CCDC91: variants seen among roughly 807,000 people sequenced by gnomAD.
CCDC91 encodes the protein coiled-coil domain containing 91.
CCDC91 carries 48 observed loss-of-function variants against 63.2 expected under a neutral mutation model. That is an observed-to-expected ratio of 0.76 (90% CI 0.60 to 0.97). CCDC91 has a LOEUF of 0.97. Among genes scored for constraint, CCDC91 ranks in the 50% least tolerant of loss-of-function variants. The probability of loss-of-function intolerance (pLI) is 0.00; values close to 1 mark genes in which losing one functional copy is unlikely to be tolerated. For synonymous variants in CCDC91, 167 were observed against 165.8 expected (o/e 1.01, Z -0.06); for missense variants, 500 against 494.6 (o/e 1.01, Z -0.10).
At chr12:28,485,858 T>C (rs1237878118) in intron 12 of CCDC91, among the ~76,000 whole-genome samples, 1 of 152,180 alleles carries the variant, frequency 6.6e-6, no homozygotes, top group Non-Finnish European at 1.5e-5. Context: ...AAAGGAATTA[T>C]AGGTACATTT....
chr12:28,234,654 C>T (rs753844594), intron 1 of CCDC91, among the ~76,000 whole-genome samples: 1 of 152,032 alleles, frequency 6.6e-6, no homozygotes, highest in Non-Finnish European at 1.5e-5. Flanking sequence ...CTGTGAGAAT[C>T]AAAGGTAATG....
chr12:28,492,975 C>T (rs1319264459), intron 12 of CCDC91, among the ~76,000 whole-genome samples: 1 of 151,394 alleles, frequency 6.6e-6, no homozygotes, highest in African/African-American at 2.4e-5. Context: ...CACCTCAAAA[C>T]TAAATAAATA....
intron 1 of CCDC91, chr12:28,256,610 A>G (rs1592122321): frequency 6.6e-6 from 1 of 152,290 alleles, no homozygotes; most frequent in African/African-American, 2.4e-5. Flanking sequence ...ATCTCCCATG[A>G]ATACATGACT....
At chr12:28,209,352 T>C (rs560654859) in intron 1 of CCDC91, among the ~76,000 whole-genome samples, 1 of 152,266 alleles carries the variant, frequency 6.6e-6, no homozygotes, top group Non-Finnish European at 1.5e-5. Flanking sequence ...TTTCAATTTA[T>C]GGAAAAGCTG....
chr12:28,469,541 C>T (rs948951743), intron 11 of CCDC91, among the ~76,000 whole-genome samples: 3 of 151,944 alleles, frequency 2.0e-5, no homozygotes, highest in African/African-American at 7.2e-5. Flanking sequence ...AATATAATCT[C>T]TATCAAAGTA....
chr12:28,266,716 T>C (rs1947212290), intron 3 of CCDC91, among the ~76,000 whole-genome samples: 1 of 151,966 alleles, frequency 6.6e-6, no homozygotes, highest in Admixed American at 6.6e-5. Context: ...GTGTGCATTT[T>C]AGGATATTTT....
At chr12:28,393,325 G>A (rs566155398) in intron 8 of CCDC91, among the ~76,000 whole-genome samples, 1 of 151,504 alleles carries the variant, frequency 6.6e-6, no homozygotes, top group South Asian at 2.1e-4. Context: ...CTCTGTTAAG[G>A]CCGTATCCAC....
intron 3 of CCDC91, among the ~76,000 whole-genome samples, chr12:28,266,343 G>C (rs752990681): frequency 6.6e-6 from 1 of 151,914 alleles, no homozygotes; most frequent in Non-Finnish European, 1.5e-5. Context: ...ATCTCAATTA[G>C]CAAATCTATA....
intron 6 of CCDC91, among the ~76,000 whole-genome samples, chr12:28,334,248 T>A (rs1429074811): frequency 2.6e-5 from 4 of 152,088 alleles, no homozygotes; most frequent in Non-Finnish European, 5.9e-5. Flanking sequence ...ATATCTGGTG[T>A]GGGAGTTAGG....
At chr12:28,226,433 C>T (rs1362158152) in intron 1 of CCDC91, among the ~76,000 whole-genome samples, 1 of 152,142 alleles carries the variant, frequency 6.6e-6, no homozygotes, top group South Asian at 2.1e-4. Flanking sequence ...CTATATCTTT[C>T]TGTATTTCTG....
chr12:28,298,800 T>G (rs912541514), intron 3 of CCDC91, among the ~76,000 whole-genome samples: 6 of 150,482 alleles, frequency 4.0e-5, no homozygotes, highest in African/African-American at 1.5e-4. Context: ...ATATAAGAGC[T>G]TTGCTTGTTT....
chr12:28,440,717 A>G (rs1225768735), intron 8 of CCDC91, among the ~76,000 whole-genome samples: 3 of 152,176 alleles, frequency 2.0e-5, no homozygotes, highest in Admixed American at 1.3e-4. Context: ...TATATAAATC[A>G]GTAATAAAAA....
At chr12:28,357,625 G>A (rs1330861179) in intron 6 of CCDC91, among the ~76,000 whole-genome samples, 1 of 152,048 alleles carries the variant, frequency 6.6e-6, no homozygotes, top group African/African-American at 2.4e-5. Flanking sequence ...ATAAGCATTA[G>A]GGTGGCTATC....
chr12:28,229,650 G>A (rs1944470917), intron 1 of CCDC91, among the ~76,000 whole-genome samples: 1 of 152,138 alleles, frequency 6.6e-6, no homozygotes, highest in African/African-American at 2.4e-5. Context: ...TAGAAAAGGA[G>A]AGTTTTGTGA....
intron 6 of CCDC91, among the ~76,000 whole-genome samples, chr12:28,350,339 A>G (rs1943098974): frequency 6.6e-6 from 1 of 152,176 alleles, no homozygotes; most frequent in Non-Finnish European, 1.5e-5. Flanking sequence ...TGTTTAGGAG[A>G]GGTAATTTAG....
chr12:28,367,996 C>T (rs1318964895), intron 7 of CCDC91, among the ~76,000 whole-genome samples: 1 of 152,152 alleles, frequency 6.6e-6, no homozygotes, highest in Non-Finnish European at 1.5e-5. Context: ...AGCCTGTCAG[C>T]CTTGTTTGCA....
chr12:28,328,604 T>C (rs1308659977), intron 6 of CCDC91, among the ~76,000 whole-genome samples: 1 of 152,164 alleles, frequency 6.6e-6, no homozygotes, highest in Admixed American at 6.6e-5. Flanking sequence ...CCTTAAAATT[T>C]GGGTGAAGTG....
At chr12:28,500,117 A>G (rs1000739585) in intron 12 of CCDC91, among the ~76,000 whole-genome samples, 2 of 150,672 alleles carry the variant, frequency 1.3e-5, no homozygotes, top group Non-Finnish European at 3.0e-5. Flanking sequence ...TTTTTTCCAT[A>G]TATTTGTTGA....
intron 8 of CCDC91, among the ~76,000 whole-genome samples, chr12:28,437,893 AT>A (rs2140166231): frequency 6.6e-6 from 1 of 152,164 alleles, no homozygotes; most frequent in Admixed American, 6.6e-5. Flanking sequence ...TTGTCAACTG[AT>A]TTTTTTAAAG....
Sources: allele counts gnomAD v4.1 joint callset (sites outside exome capture counted in the v4.1 genomes callset), GRCh38; gene constraint gnomAD v4.1.1; transcripts MANE v1.5; gene names NCBI Gene and HGNC (gene_info 2026-07-23, HGNC 2026-07-21).